COBL: variants seen among roughly 807,000 people sequenced by gnomAD.
The protein encoded by COBL is protein cordon-bleu.
COBL carries 51 observed loss-of-function variants against 98.8 expected under a neutral mutation model. That is an observed-to-expected ratio of 0.52 (90% CI 0.41 to 0.65). The LOEUF (loss-of-function observed/expected upper bound fraction) is 0.65. COBL is among the 30% of genes least tolerant of loss of function. The pLI is 0.00. For synonymous variants in COBL, 634 were observed against 651.7 expected, an observed-to-expected ratio of 0.97 and a Z score of 0.41; for missense variants, 1,617 against 1,617.5, an observed-to-expected ratio of 1.00 and a Z score of 0.01.
chr7:51,097,882 G>T (rs909838643), intron 6 of COBL, among the ~76,000 whole-genome samples: 1 of 151,848 alleles, frequency 6.6e-6, no homozygotes, highest in African/African-American at 2.4e-5. Flanking sequence ...AAATTATCCG[G>T]GCATGGTGGC....
chr7:51,239,944 G>C (rs924859779), intron 1 of COBL, among the ~76,000 whole-genome samples: 1 of 152,192 alleles, frequency 6.6e-6, no homozygotes, highest in African/African-American at 2.4e-5. Flanking sequence ...ACTCAGCTTA[G>C]CCACTGTGGC....
At chr7:51,072,040 A>G (rs1395089085) in intron 7 of COBL, 1 of 151,950 alleles carries the variant, frequency 6.6e-6, no homozygotes, top group Non-Finnish European at 1.5e-5. Context: ...TTTGTTTATT[A>G]TTAATACCAA....
At chr7:51,181,451 C>T (rs73697823) in intron 5 of COBL, among the ~76,000 whole-genome samples, 73 of 152,310 alleles carry the variant, frequency 4.8e-4, no homozygotes, top group African/African-American at 1.7e-3. Flanking sequence ...TCATCTGCCG[C>T]AGTTCAGGAG....
At position 51,079,195 on chromosome 7, in the gene COBL, G is replaced by A. The variant is rs76521302; in HGVS notation, c.1096+5971C>T. Among the ~76,000 whole-genome samples the A allele has an allele frequency of 1.8e-3, 281 of 152,274 alleles. 5 individuals are homozygous for A. The East Asian group carries it at 0.026, about 14-fold the overall frequency. ...GCAAGGCCAGACCAAGAAACCACTC[G>A]AGAAGGTGCCAAGGCTGGATGCTGA... On this transcript the variant is annotated intron_variant, in intron 7 of 12. Coordinates refer to ENST00000265136, the MANE Select transcript of COBL (RefSeq NM_015198.5).
intron 6 of COBL, among the ~76,000 whole-genome samples, chr7:51,128,371 A>ATG (rs370438609): frequency 2.6e-5 from 4 of 151,962 alleles, no homozygotes; most frequent in East Asian, 1.9e-4. Context: ...GTGTGCGTGT[A>ATG]TGTGTGTGTG....
At chr7:51,083,514 C>T (rs1327890821) in intron 7 of COBL, among the ~76,000 whole-genome samples, 1 of 152,342 alleles carries the variant, frequency 6.6e-6, no homozygotes, top group East Asian at 1.9e-4. Flanking sequence ...GACACAACTA[C>T]ATAAATGCTG....
intron 1 of COBL, among the ~76,000 whole-genome samples, chr7:51,278,798 A>G (rs141298569): frequency 6.6e-6 from 1 of 152,312 alleles, no homozygotes; most frequent in East Asian, 1.9e-4. Context: ...AAATGACACC[A>G]ATCATCTAGA....
chr7:51,205,022 T>C (rs1321780915), intron 2 of COBL, among the ~76,000 whole-genome samples: 1 of 152,202 alleles, frequency 6.6e-6, no homozygotes, highest in Non-Finnish European at 1.5e-5. Flanking sequence ...GAGACACAGA[T>C]AAATGTAAAG....
chr7:51,299,229 A>G (rs575283417), intron 1 of COBL, among the ~76,000 whole-genome samples: 1 of 152,168 alleles, frequency 6.6e-6, no homozygotes, highest in Non-Finnish European at 1.5e-5. Flanking sequence ...ACACTAACGA[A>G]TGCGTGAGCC....
At chr7:51,148,960 C>T (rs1384623028) in intron 5 of COBL, among the ~76,000 whole-genome samples, 2 of 152,148 alleles carry the variant, frequency 1.3e-5, no homozygotes, top group African/African-American at 2.4e-5. Context: ...TGTAAACACT[C>T]GAGCCCACAA....
intron 1 of COBL, among the ~76,000 whole-genome samples, chr7:51,305,669 G>A (rs1802390243): frequency 6.6e-6 from 1 of 151,956 alleles, no homozygotes; most frequent in South Asian, 2.1e-4. Flanking sequence ...CCCCAGGAGA[G>A]CCAAGAACAC....
rs965354477 is a variant in COBL, at chr7:51,208,350, C to A, written c.245+11391G>T. On this transcript the variant is annotated intron_variant, in intron 2 of 12. Transcript: ENST00000265136. Reference sequence around the variant, plus strand: ...TCCAGGAGGGAGGTAGGGGGTCAGCCCCCCGCCAGGCCAGCCGCCCCGTCT... The same window carrying A: ...TCCAGGAGGGAGGTAGGGGGTCAGCACCCCGCCAGGCCAGCCGCCCCGTCT... 3.3e-5 allele frequency among the ~76,000 whole-genome samples: 5 copies of A among 150,460 alleles called. 1 individual carries two copies. Among genetic ancestry groups the A allele is most frequent in the African/African-American group, 4.9e-5 (2 of 40,808 alleles).
chr7:51,247,560 G>C (rs1214275246), intron 1 of COBL, among the ~76,000 whole-genome samples: 1 of 152,158 alleles, frequency 6.6e-6, no homozygotes, highest in Non-Finnish European at 1.5e-5. Flanking sequence ...TGGACAGGTA[G>C]GGACAAGGTG....
intron 5 of COBL, among the ~76,000 whole-genome samples, chr7:51,164,819 T>A (rs751213645): frequency 6.6e-6 from 1 of 151,936 alleles, no homozygotes; most frequent in Non-Finnish European, 1.5e-5. Context: ...TTTAAAGACA[T>A]AGACAGTACA....
intron 6 of COBL, among the ~76,000 whole-genome samples, chr7:51,111,147 T>C (rs1296145560): frequency 1.3e-5 from 2 of 152,196 alleles, no homozygotes; most frequent in African/African-American, 4.8e-5. Context: ...GCAATAAACA[T>C]GGGGGTGCAG....
chr7:51,156,394 A>G (rs1786135136), intron 5 of COBL: 1 of 985,342 alleles, frequency 1.0e-6, no homozygotes, highest in Non-Finnish European at 1.2e-6. Context: ...CCTTTCTGAA[A>G]GCTCACCGAA....
chr7:51,020,818 T>A (rs1023534222), intron 12 of COBL, among the ~76,000 whole-genome samples: 2 of 152,228 alleles, frequency 1.3e-5, no homozygotes, highest in African/African-American at 4.8e-5. Flanking sequence ...GGCAGAGACA[T>A]CATTGGATTC....
chr7:51,234,319 G>A (rs1584261800), intron 1 of COBL, among the ~76,000 whole-genome samples: 1 of 152,228 alleles, frequency 6.6e-6, no homozygotes, highest in South Asian at 2.1e-4. Context: ...TGTTAGACCT[G>A]CGGCCACCCA....
chr7:51,195,546 G>A (rs1273807702), intron 2 of COBL, among the ~76,000 whole-genome samples: 1 of 152,174 alleles, frequency 6.6e-6, no homozygotes, highest in South Asian at 2.1e-4. Context: ...TTCTAGTTCT[G>A]TGAAGAATGT....
Sources: gnomAD v4.1 joint callset for allele counts (sites outside exome capture counted in the v4.1 genomes callset) on GRCh38, gnomAD v4.1.1 for gene constraint, MANE v1.5 for transcripts, NCBI Gene and HGNC (gene_info 2026-07-23, HGNC 2026-07-21) for gene names.